FANCA: variants seen among roughly 807,000 people sequenced by gnomAD.
FANCA encodes the protein FA complementation group A.
A neutral mutation model predicts 194.3 loss-of-function variants in FANCA; 236 were observed. That is an observed-to-expected ratio of 1.21 (90% CI 1.09 to 1.35). The LOEUF (loss-of-function observed/expected upper bound fraction) is 1.35, where lower values mean the gene tolerates loss of function less well. Among genes scored for constraint, FANCA ranks in the 40% most tolerant of loss-of-function variants. FANCA has a pLI of 0.00. For missense variants in FANCA, 2,628 were observed against 1,813.9 expected, an observed-to-expected ratio of 1.45 and a Z score of -8.15; for synonymous variants, 1,014 against 715.8, an observed-to-expected ratio of 1.42 and a Z score of -6.65.
rs6500450 is a variant in FANCA at position 89,791,616 on chromosome 16, A to G, written c.1226-80T>C. ...TGACGTGAGTTATGCTGGGTGATCAAGTATTCCAGAAGGAGACTGTGCACA... is the reference window on the plus strand; with the variant it reads ...TGACGTGAGTTATGCTGGGTGATCAGGTATTCCAGAAGGAGACTGTGCACA... On this transcript the variant is annotated intron_variant, in intron 13 of 42. Coordinates refer to ENST00000389301, the MANE Select transcript of FANCA (RefSeq NM_000135.4). The G allele has an allele frequency of 0.46, 723,796 of 1,579,646 alleles. 180,055 individuals carry two copies. The highest frequency in any genetic ancestry group is 0.98 in the East Asian group (43,487 of 44,370).
intron 22 of FANCA, among the ~76,000 whole-genome samples, chr16:89,772,346 C>T (rs1480913079): frequency 1.3e-5 from 2 of 152,254 alleles, no homozygotes; most frequent in African/African-American, 4.8e-5. Flanking sequence ...AGGCTGCACT[C>T]AGGAACTGGC....
chr16:89,782,468 G>A (rs911805339), intron 17 of FANCA, among the ~76,000 whole-genome samples: 6 of 150,790 alleles, frequency 4.0e-5, no homozygotes, highest in East Asian at 1.9e-4. Context: ...CCGAGATTGC[G>A]CCACTGCACT....
At position 89,770,647 on chromosome 16, in the gene FANCA, A is replaced by G. The variant is rs752105563; in HGVS notation, c.2152-13T>C. The G allele has an allele frequency of 5.9e-5, 95 of 1,598,092 alleles. No homozygotes were observed. Among genetic ancestry groups the G allele is most frequent in the Admixed American group, 5.2e-4 (30 of 58,156 alleles). The stretch of plus-strand genomic sequence containing the variant: ...GGAGGTCCACAGCCTGCAGAGACAC[A>G]GTTCTCATGAGCGTGGTGTCCTGGG... On this transcript the variant is annotated splice_polypyrimidine_tract_variant and intron_variant, in intron 23 of 42. Coordinates refer to ENST00000389301, the MANE Select transcript of FANCA (RefSeq NM_000135.4).
chr16:89,757,206 C>A (rs1200929064), intron 30 of FANCA, among the ~76,000 whole-genome samples: 1 of 152,152 alleles, frequency 6.6e-6, no homozygotes, highest in Non-Finnish European at 1.5e-5. Flanking sequence ...AGATGATCCG[C>A]CTGCCTTGGC....
At chr16:89,792,185 G>T in intron 12 of FANCA, 117 bp from the exon 13 acceptor site, 3 of 1,218,542 alleles carry the variant, frequency 2.5e-6, no homozygotes, top group East Asian at 2.3e-5. Flanking sequence ...CACTGCAAAG[G>T]TAACACATGG....
At chr16:89,772,930 C>A (rs138500416) in intron 22 of FANCA, among the ~76,000 whole-genome samples, 1 of 152,226 alleles carries the variant, frequency 6.6e-6, no homozygotes, top group Non-Finnish European at 1.5e-5. Context: ...GGGCAGAGAC[C>A]CTGTGTGTCT....
chr16:89,782,810 C>T, intron 17 of FANCA, 49 bp downstream of exon 17: 6 of 1,516,296 alleles, frequency 4.0e-6, no homozygotes, highest in Non-Finnish European at 5.5e-6. Context: ...TGGACCTTTG[C>T]ATGGTGGGCG....
At chr16:89,787,082 C>T (rs893224408) in intron 14 of FANCA, among the ~76,000 whole-genome samples, 1 of 152,198 alleles carries the variant, frequency 6.6e-6, no homozygotes, top group Non-Finnish European at 1.5e-5. Context: ...TCACAGCAGC[C>T]ATTGTTAGAG....
At chr16:89,799,052 G>C (rs1279795843) in intron 10 of FANCA, 114 bp downstream of exon 10, 1 of 1,614,158 alleles carries the variant, frequency 6.2e-7, no homozygotes, top group Non-Finnish European at 8.5e-7. Context: ...GGCAGAGGAA[G>C]TGTGCTCAGG....
chr16:89,744,266 A>C (rs943881755), intron 36 of FANCA, among the ~76,000 whole-genome samples: 1 of 152,178 alleles, frequency 6.6e-6, no homozygotes, highest in African/African-American at 2.4e-5. Context: ...CAGTGATTCA[A>C]AACTAGTCAC....
At chr16:89,770,476 C>T in intron 24 of FANCA, 88 bp downstream of exon 24, 1 of 1,289,658 alleles carries the variant, frequency 7.8e-7, no homozygotes, top group Non-Finnish European at 1.1e-6. Context: ...CGGAGACGAG[C>T]TCATGAGTCC....
At position 89,752,201 on chromosome 16, in the gene FANCA, T is replaced by G. The variant is rs2038619241; in HGVS notation, c.3003A>C (p.Ser1001=). 1 of 1,614,000 alleles carries G rather than the reference T, an allele frequency of 6.2e-7. No individual in the cohort carries two copies. Among genetic ancestry groups the G allele is most frequent in the African/African-American group, 1.3e-5 (1 of 74,946 alleles). The part of the protein sequence containing the change: ...FHQSSRSYDH[S]ENSDLVFGGR... ...CACCAAAGACCAAATCAGAATTTTC[T>G]GAGTGGTCATAACTCCTTGAGCTGA... Residue 1001 remains serine, a synonymous_variant, in exon 31 of 43, where the codon TCA becomes TCC. Coordinates refer to ENST00000389301, the MANE Select transcript of FANCA (RefSeq NM_000135.4).
chr16:89,749,186 C>T (rs1402160239), intron 32 of FANCA, among the ~76,000 whole-genome samples: 2 of 152,160 alleles, frequency 1.3e-5, no homozygotes, highest in Non-Finnish European at 2.9e-5. Flanking sequence ...GCTCCTTCTG[C>T]GACGTCCCTC....
chr16:89,791,564 G>C, intron 13 of FANCA, 28 bp from the exon 14 acceptor site: 1 of 1,613,248 alleles, frequency 6.2e-7, no homozygotes, highest in Non-Finnish European at 8.5e-7. Flanking sequence ...CATAGTCACA[G>C]CAAGGCAAGG....
intron 10 of FANCA, among the ~76,000 whole-genome samples, chr16:89,797,565 T>A (rs963560384): frequency 2.6e-5 from 4 of 151,480 alleles, no homozygotes; most frequent in South Asian, 4.2e-4. Flanking sequence ...ACCAAGACTG[T>A]TGGAGGATGT....
At chr16:89,808,720 G>A (rs936426622) in intron 5 of FANCA, among the ~76,000 whole-genome samples, 1 of 152,058 alleles carries the variant, frequency 6.6e-6, no homozygotes, top group African/African-American at 2.4e-5. Flanking sequence ...GCCTTCACTG[G>A]CTCCTCGAAG....
rs1457853119 is a variant in FANCA, at chr16:89,769,873, G to A, written c.2468C>T (p.Thr823Ile). 3.1e-6 allele frequency: 5 copies of A among 1,614,018 alleles called. No individual in the cohort carries two copies. The highest frequency in any genetic ancestry group is 1.3e-5 in the African/African-American group (1 of 74,916). The change falls in exon 26 of 43, where the codon ACC (threonine) becomes ATC (isoleucine). Residue 823 changes from threonine to isoleucine, a missense_variant. Transcript: ENST00000389301. ...PVPALFDSLL[T>I]CRTRDSLFFC... Reference sequence around the variant, plus strand: ...GAACAAGGAATCCCTCGTCCTACAGGTCAGGAGGCTGTCAAAGAGCGCAGG... The same window carrying A: ...GAACAAGGAATCCCTCGTCCTACAGATCAGGAGGCTGTCAAAGAGCGCAGG...
chr16:89,798,671 C>A, intron 10 of FANCA: 1 of 1,269,844 alleles, frequency 7.9e-7, no homozygotes, highest in South Asian at 1.7e-5. Flanking sequence ...CGCACATCTC[C>A]ACAGAGCCAT....
chr16:89,791,817 A>G, intron 13 of FANCA, 110 bp downstream of exon 13: 1 of 1,391,102 alleles, frequency 7.2e-7, no homozygotes, highest in Non-Finnish European at 1.0e-6. Flanking sequence ...GGTTCCGGGC[A>G]GGTAGGGAAG....
Sources: allele counts gnomAD v4.1 joint callset (sites outside exome capture counted in the v4.1 genomes callset), GRCh38; gene constraint gnomAD v4.1.1; transcripts MANE v1.5; gene names NCBI Gene and HGNC (gene_info 2026-07-23, HGNC 2026-07-21).